LOXL2: variants seen among roughly 807,000 people sequenced by gnomAD.
LOXL2 encodes lysyl oxidase like 2.
A neutral mutation model predicts 93.0 loss-of-function variants in LOXL2; 70 were observed. That is an observed-to-expected ratio of 0.75 (90% CI 0.62 to 0.92). LOXL2 has a LOEUF of 0.92. LOXL2 is among the 40% of genes least tolerant of loss of function. The probability of loss-of-function intolerance (pLI) is 0.00; values close to 1 mark genes in which losing one functional copy is unlikely to be tolerated. For missense variants in LOXL2, 973 were observed against 1,054.9 expected (o/e 0.92, Z 1.08); for synonymous variants, 438 against 413.2 (o/e 1.06, Z -0.73).
rs1373209885 is a variant in LOXL2, at chr8:23,367,135, G to A, written c.355+862C>T. On this transcript the variant is annotated intron_variant, in intron 2 of 13. Transcript: ENST00000389131. ...GCGATCACGGCTCACTGCAGCCTCC[G>A]CCTCCCGGGTTCAAGCGATTTTTGT... Among the ~76,000 whole-genome samples the A allele has an allele frequency of 4.6e-5, 7 of 152,204 alleles. No homozygotes were observed. The East Asian group carries it at 9.7e-4, about 21-fold the overall frequency.
At chr8:23,388,095 C>T (rs773116707) in intron 1 of LOXL2, among the ~76,000 whole-genome samples, 23 of 152,208 alleles carry the variant, frequency 1.5e-4, no homozygotes, top group Non-Finnish European at 2.6e-4. Context: ...TTGGTTCAAA[C>T]AGGTGCTGCC....
intron 1 of LOXL2, among the ~76,000 whole-genome samples, chr8:23,383,653 T>TTTTTTTG (rs1804711453): frequency 3.3e-5 from 1 of 29,930 alleles, no homozygotes; most frequent in African/African-American, 1.8e-4. Flanking sequence ...TACGTTTTTT[T>TTTTTTTG]TTTGTTTTTT....
chr8:23,402,835 G>A (rs937287973), intron 1 of LOXL2: 20 of 152,062 alleles, frequency 1.3e-4, no homozygotes, highest in African/African-American at 4.1e-4. Context: ...TCTTAGGGAC[G>A]AAACTAATTT....
intron 5 of LOXL2, among the ~76,000 whole-genome samples, chr8:23,331,165 T>C (rs1030563589): frequency 2.6e-5 from 4 of 151,774 alleles, no homozygotes; most frequent in Non-Finnish European, 5.9e-5. Context: ...CCACAGCAGG[T>C]CTCAACAAAG....
intron 4 of LOXL2, among the ~76,000 whole-genome samples, chr8:23,334,620 CAA>C (rs1803760108): frequency 1.3e-5 from 2 of 151,806 alleles, no homozygotes; most frequent in Non-Finnish European, 2.9e-5. Context: ...TTAACATGTG[CAA>C]AGTGTTCCTT....
intron 3 of LOXL2, among the ~76,000 whole-genome samples, chr8:23,346,461 A>G (rs1803987317): frequency 6.6e-6 from 1 of 152,162 alleles, no homozygotes; most frequent in Admixed American, 6.5e-5. Flanking sequence ...AGGGAAAACC[A>G]AGGCACGACC....
chr8:23,371,982 A>G (rs1349933516), intron 1 of LOXL2, among the ~76,000 whole-genome samples: 1 of 152,056 alleles, frequency 6.6e-6, no homozygotes, highest in East Asian at 1.9e-4. Context: ...CTAACAGGTT[A>G]ATAAGGGGGT....
At chr8:23,315,246 G>A (rs1030139533) in intron 9 of LOXL2, among the ~76,000 whole-genome samples, 1 of 152,212 alleles carries the variant, frequency 6.6e-6, no homozygotes, top group African/African-American at 2.4e-5. Flanking sequence ...CATGGGGGTG[G>A]TGGGGAAGAG....
At chr8:23,327,466 C>A (rs962713566) in intron 6 of LOXL2, among the ~76,000 whole-genome samples, 2 of 152,154 alleles carry the variant, frequency 1.3e-5, no homozygotes, top group Non-Finnish European at 2.9e-5. Flanking sequence ...ACTGGACAGG[C>A]CACCCCACCG....
chr8:23,375,639 T>A (rs1331995929), intron 1 of LOXL2, among the ~76,000 whole-genome samples: 2 of 152,202 alleles, frequency 1.3e-5, no homozygotes, highest in Non-Finnish European at 2.9e-5. Flanking sequence ...TGGTTTGTAG[T>A]TCTCCTTGAA....
In LOXL2 at chr8:23,298,224, CTG is replaced by C. The variant is rs2117134333; in HGVS notation, c.2246-104_2246-103del. On this transcript the variant is annotated intron_variant, in intron 13 of 13. Coordinates refer to ENST00000389131, the MANE Select transcript of LOXL2 (RefSeq NM_002318.3). ...GGGCCTCAGGGGCTGCTGGGGCCAC[CTG>C]TGTGTGCCCTCCTCAAAAGGACAGG... is the stretch of plus-strand genomic sequence containing the variant. The C allele has an allele frequency of 3.8e-6, 3 of 781,392 alleles. No homozygotes were observed. The East Asian group carries it at 7.6e-5, about 20-fold the overall frequency. The allele number at this position is 781,392 out of a possible 1,614,324, so 48.4% of individuals were successfully genotyped here. A position where few individuals can be genotyped will look rare whatever the true frequency, so the allele number is the denominator to read the frequency against.
intron 5 of LOXL2, among the ~76,000 whole-genome samples, chr8:23,332,407 C>G (rs1476913378): frequency 7.2e-6 from 1 of 138,274 alleles, no homozygotes; most frequent in Non-Finnish European, 1.6e-5. Flanking sequence ...CACTCATACA[C>G]ACACCGCCAC....
chr8:23,320,974 T>C (rs1803486788), intron 7 of LOXL2, among the ~76,000 whole-genome samples: 1 of 152,202 alleles, frequency 6.6e-6, no homozygotes. Context: ...TCTTGGCTCC[T>C]GAATCTGCTG....
At chr8:23,306,922 C>G (rs1803238577) in intron 10 of LOXL2, among the ~76,000 whole-genome samples, 1 of 152,266 alleles carries the variant, frequency 6.6e-6, no homozygotes, top group Admixed American at 6.5e-5. Context: ...GACAGAATAA[C>G]TCCGGGGGCA....
intron 3 of LOXL2, among the ~76,000 whole-genome samples, chr8:23,352,586 G>A (rs189659335): frequency 6.6e-4 from 101 of 152,228 alleles, no homozygotes; most frequent in African/African-American, 2.3e-3. Context: ...GCTGCTGCTG[G>A]GAGGGCAATG....
intron 5 of LOXL2, among the ~76,000 whole-genome samples, chr8:23,329,917 G>C (rs1480420575): frequency 6.6e-6 from 1 of 152,132 alleles, no homozygotes; most frequent in Non-Finnish European, 1.5e-5. Flanking sequence ...GGGGTGCTGG[G>C]ACAGCACCCA....
chr8:23,365,518 T>G (rs1804385194), intron 2 of LOXL2: 1 of 108,458 alleles, frequency 9.2e-6, no homozygotes, highest in Admixed American at 9.2e-5. Flanking sequence ...CAAGACAGAG[T>G]TTTTTTTTTT....
Position 23,368,181 on chromosome 8 carries a change from C to T in LOXL2, c.171G>A (p.Gln57=). The change falls in exon 2 of 14, where the codon CAG becomes CAA. Residue 57 remains glutamine (Q), a synonymous_variant. Coordinates refer to ENST00000389131, the MANE Select transcript of LOXL2 (RefSeq NM_002318.3). Reference sequence around the variant, plus strand: ...TCCTCTTCTGCCCAGCCAGGCGCAGCTGAATCTTGGCCACGTTGGCGGGGG... The same window carrying T: ...TCCTCTTCTGCCCAGCCAGGCGCAGTTGAATCTTGGCCACGTTGGCGGGGG... ...PQAPANVAKI[Q]LRLAGQKRKH... 1 of 1,614,138 alleles carries T rather than the reference C, an allele frequency of 6.2e-7. No individual in the cohort carries two copies.
Position 23,307,588 on chromosome 8 carries a change from G to T in LOXL2, c.1880+2080C>A, listed in dbSNP as rs373060225. ...GAGCGTAAGTGTATGGCACAGGGAG[G>T]TTCCTACCATGTAATCTGTGGGTGG... is the stretch of plus-strand genomic sequence containing the variant. On this transcript the variant is annotated intron_variant, in intron 10 of 13. Transcript: ENST00000389131. 7.9e-5 allele frequency among the ~76,000 whole-genome samples: 12 copies of T among 152,268 alleles called. No homozygotes were observed. In the East Asian group the frequency reaches 1.9e-3, roughly 24 times the overall value.
Sources: allele counts gnomAD v4.1 joint callset (sites outside exome capture counted in the v4.1 genomes callset), GRCh38; gene constraint gnomAD v4.1.1; transcripts MANE v1.5; gene names NCBI Gene and HGNC (gene_info 2026-07-23, HGNC 2026-07-21).